BMS1: variants seen among roughly 807,000 people sequenced by gnomAD.
BMS1 encodes the protein BMS1 ribosome biogenesis factor, also known as ribosome biogenesis protein BMS1 homolog.
BMS1 carries 53 observed loss-of-function variants against 138.7 expected under a neutral mutation model. The ratio of observed to expected loss-of-function variants is 0.38; its 90% CI spans 0.31 to 0.48. The LOEUF (loss-of-function observed/expected upper bound fraction) is 0.48. BMS1 is among the 20% of genes least tolerant of loss of function. The probability of loss-of-function intolerance (pLI) is 0.97; values close to 1 mark genes in which losing one functional copy is unlikely to be tolerated. For missense variants in BMS1, 1,360 were observed against 1,565.5 expected, an observed-to-expected ratio of 0.87 and a Z score of 2.22; for synonymous variants, 504 against 539.9, an observed-to-expected ratio of 0.93 and a Z score of 0.92.
chr10:42,789,928 A>T (rs1434607667), intron 4 of BMS1, among the ~76,000 whole-genome samples: 8 of 152,204 alleles, frequency 5.3e-5, no homozygotes, highest in African/African-American at 1.4e-4. Flanking sequence ...GTTACTTCTC[A>T]TACATTAAAA....
rs1198802558 is a variant in BMS1 at position 42,782,816 on chromosome 10, C to G, written c.-48C>G. On this transcript the variant is annotated 5_prime_UTR_variant, in exon 1 of 23. Coordinates refer to ENST00000374518, the MANE Select transcript of BMS1 (RefSeq NM_014753.4). ...CGGTGTCCATGCTGACCTGAGGAGT[C>G]GCGGCTGCGAGCAGGTTCGGTGCTG... 2.6e-5 allele frequency: 4 copies of G among 153,616 alleles called. No individual in the cohort carries two copies. The highest frequency in any genetic ancestry group is 7.2e-5 in the African/African-American group (3 of 41,402). The allele number at this position is 153,616 out of a possible 1,614,324, so 9.5% of individuals were successfully genotyped here.
At chr10:42,826,963 A>G (rs2132393561) in intron 21 of BMS1, among the ~76,000 whole-genome samples, 1 of 152,322 alleles carries the variant, frequency 6.6e-6, no homozygotes, top group South Asian at 2.1e-4. Flanking sequence ...TGATGTGGAC[A>G]TCGTTTGTTC....
At chr10:42,788,738 C>T (rs762972590) in intron 4 of BMS1, among the ~76,000 whole-genome samples, 4 of 152,250 alleles carry the variant, frequency 2.6e-5, no homozygotes, top group Non-Finnish European at 4.4e-5. Flanking sequence ...TGGTAAAGTA[C>T]TCTAACTGTA....
chr10:42,817,258 A>G (rs1842375095), intron 14 of BMS1, 60 bp from the exon 15 acceptor site: 3 of 1,258,340 alleles, frequency 2.4e-6, no homozygotes, highest in Non-Finnish European at 3.3e-6. Context: ...TAAAAAAGCT[A>G]ATGTTTAAAG....
chr10:42,787,536 A>G lies in BMS1; in HGVS notation c.447+289A>G, dbSNP rs116307936. On this transcript the variant is annotated intron_variant, in intron 4 of 22. Transcript: ENST00000374518. The stretch of plus-strand genomic sequence containing the variant: ...AACTAATAAGAGCTCATTAATATGT[A>G]TACATATATACGTACAAATATATCA... 4.1e-3 allele frequency among the ~76,000 whole-genome samples: 619 copies of G among 152,342 alleles called. 4 individuals carry two copies. The highest frequency in any genetic ancestry group is 0.014 in the African/African-American group (589 of 41,562).
At chr10:42,808,896 C>T (rs1044193294) in intron 13 of BMS1, among the ~76,000 whole-genome samples, 1 of 152,164 alleles carries the variant, frequency 6.6e-6, no homozygotes, top group Non-Finnish European at 1.5e-5. Flanking sequence ...TTGCTGTCTA[C>T]GTTCCTGTAG....
In BMS1 at chr10:42,796,835, A is replaced by C; in HGVS notation, c.1591A>C (p.Thr531Pro). 1.2e-6 allele frequency: 2 copies of C among 1,614,254 alleles called. No individual in the cohort carries two copies. The highest frequency in any genetic ancestry group is 1.7e-6 in the Non-Finnish European group (2 of 1,180,044). Residue 531 changes from threonine (T) to proline (P), a missense_variant, in exon 10 of 23, where the codon ACT becomes CCT. Coordinates refer to ENST00000374518, the MANE Select transcript of BMS1 (RefSeq NM_014753.4). ...TGAAAGCAGTGAAGAAGAGGACTGC[A>C]CTGCAGGAGAGAAGGGCATTTCAGG... is the stretch of plus-strand genomic sequence containing the variant. ...ADESSEEEDC[T>P]AGEKGISGSK...
At chr10:42,800,561 C>T (rs1841840872) in intron 12 of BMS1, among the ~76,000 whole-genome samples, 1 of 141,232 alleles carries the variant, frequency 7.1e-6, no homozygotes, top group Admixed American at 7.4e-5. Context: ...GAGTTTCGCT[C>T]TGTCGCCCAG....
chr10:42,825,646 G>A (rs995413152), intron 21 of BMS1, among the ~76,000 whole-genome samples: 3 of 152,178 alleles, frequency 2.0e-5, no homozygotes, highest in African/African-American at 7.2e-5. Context: ...TTTATACCTT[G>A]CAGCTTAACT....
At chr10:42,826,925 G>A (rs1023357354) in intron 21 of BMS1, among the ~76,000 whole-genome samples, 9 of 152,184 alleles carry the variant, frequency 5.9e-5, no homozygotes, top group African/African-American at 9.6e-5. Context: ...GCACGGCAGC[G>A]TGGCCCCGCA....
chr10:42,818,548 G>A (rs1378430391), intron 15 of BMS1, among the ~76,000 whole-genome samples: 1 of 152,206 alleles, frequency 6.6e-6, no homozygotes, highest in Non-Finnish European at 1.5e-5. Flanking sequence ...TGAATGTGGG[G>A]TGTGTGAGAG....
chr10:42,822,953 T>G (rs1397840462), intron 19 of BMS1, among the ~76,000 whole-genome samples, 165 bp from the exon 20 acceptor site: 1 of 152,234 alleles, frequency 6.6e-6, no homozygotes, highest in Non-Finnish European at 1.5e-5. Flanking sequence ...TGTATTCTTT[T>G]TGAGATAGTA....
At chr10:42,823,002 T>C (rs1355121273) in intron 19 of BMS1, 116 bp from the exon 20 acceptor site, 18 of 1,089,380 alleles carry the variant, frequency 1.7e-5, no homozygotes, top group Non-Finnish European at 2.0e-5. Context: ...GTTTATTTTA[T>C]CACCCTTCAG....
rs759619970 is a variant in BMS1 at position 42,820,513 on chromosome 10, T to A, written c.2775T>A (p.Arg925=). ...SEGNVGYVQM[R]LKKHRWYKKI... ...TTACCCTCTCGTCCCCTCAGATGCG[T>A]CTGAAGAAACATCGCTGGTATAAGA... Residue 925 remains arginine, a synonymous_variant, in exon 17 of 23, where the codon CGT becomes CGA. Coordinates refer to ENST00000374518, the MANE Select transcript of BMS1 (RefSeq NM_014753.4). The A allele has an allele frequency of 3.1e-6, 5 of 1,610,704 alleles. No individual in the cohort carries two copies. The Admixed American group carries it at 8.4e-5, about 27-fold the overall frequency.
chr10:42,792,309 A>G (rs1841528392), intron 6 of BMS1, among the ~76,000 whole-genome samples, 184 bp from the exon 7 acceptor site: 1 of 152,142 alleles, frequency 6.6e-6, no homozygotes, highest in Non-Finnish European at 1.5e-5. Flanking sequence ...CAGCCTAGAG[A>G]CACAGTTGTG....
At chr10:42,807,718 C>T (rs1842052847) in intron 13 of BMS1, among the ~76,000 whole-genome samples, 1 of 152,100 alleles carries the variant, frequency 6.6e-6, no homozygotes, top group East Asian at 1.9e-4. Flanking sequence ...GAACTCCTGG[C>T]CTGTTTTCAA....
At chr10:42,793,774 T>C in intron 8 of BMS1, 78 bp from the exon 9 acceptor site, 2 of 1,490,158 alleles carry the variant, frequency 1.3e-6, no homozygotes, top group Non-Finnish European at 1.8e-6. Flanking sequence ...AAGATAATTT[T>C]GAGAAACTGA....
At chr10:42,802,336 C>T (rs995827187) in intron 13 of BMS1, 118 bp downstream of exon 13, 1 of 814,704 alleles carries the variant, frequency 1.2e-6, no homozygotes, top group African/African-American at 1.8e-5. Flanking sequence ...TTTGGGAATT[C>T]AGACAGGAGT....
rs578211166 is a variant in BMS1, at chr10:42,826,932, C to T, written c.3456+3148C>T. Reference sequence around the variant, plus strand: ...GGGGAGGGGCACGGCAGCGTGGCCCCGCAGGGTGGGGTGCATGCTGTGATG... The same window carrying T: ...GGGGAGGGGCACGGCAGCGTGGCCCTGCAGGGTGGGGTGCATGCTGTGATG... On this transcript the variant is annotated intron_variant, in intron 21 of 22. Transcript: ENST00000374518. Among the ~76,000 whole-genome samples, 54 of 152,212 alleles carry T rather than the reference C, an allele frequency of 3.5e-4. No homozygotes were observed. In the East Asian group the frequency reaches 8.5e-3, roughly 24 times the overall value.
Sources: gnomAD v4.1 joint callset for allele counts (sites outside exome capture counted in the v4.1 genomes callset) on GRCh38, gnomAD v4.1.1 for gene constraint, MANE v1.5 for transcripts, NCBI Gene and HGNC (gene_info 2026-07-23, HGNC 2026-07-21) for gene names.